LEPR: variants seen among roughly 807,000 people sequenced by gnomAD.
LEPR encodes OB receptor.
A neutral mutation model predicts 114.7 loss-of-function variants in LEPR; 56 were observed. The ratio of observed to expected loss-of-function variants is 0.49; its 90% confidence interval spans 0.39 to 0.61. LEPR has a LOEUF of 0.61. LEPR is among the 20% of genes least tolerant of loss of function. The probability of loss-of-function intolerance (pLI) is 0.00; values close to 1 mark genes in which losing one functional copy is unlikely to be tolerated. For synonymous variants in LEPR, 443 were observed against 461.4 expected, an observed-to-expected ratio of 0.96 and a Z score of 0.51; for missense variants, 1,202 against 1,352.9, an observed-to-expected ratio of 0.89 and a Z score of 1.75.
At chr1:65,518,517 C>T (rs974431349) in intron 2 of LEPR, among the ~76,000 whole-genome samples, 1 of 152,188 alleles carries the variant, frequency 6.6e-6, no homozygotes, top group African/African-American at 2.4e-5. Context: ...TTTCTGGCAG[C>T]GAATCCTTAA....
intron 18 of LEPR, among the ~76,000 whole-genome samples, chr1:65,622,654 GT>G (rs1187166861): frequency 2.6e-5 from 4 of 152,136 alleles, no homozygotes; most frequent in African/African-American, 9.7e-5. Flanking sequence ...AATCTATCCA[GT>G]GTTTAGCATG....
rs191138923 is a variant in LEPR, at chr1:65,629,041, G to T, written c.2673+6060G>T. ...GCTTATGCCACTATGAAATGTAGAC[G>T]GTATCTATTGATTTCTGGCTACAAC... On this transcript the variant is annotated intron_variant, in intron 19 of 19. Coordinates refer to ENST00000349533, the MANE Select transcript of LEPR (RefSeq NM_002303.6). 8.6e-5 allele frequency among the ~76,000 whole-genome samples: 13 copies of T among 152,018 alleles called. No homozygotes were observed. In the East Asian group the frequency reaches 2.1e-3, roughly 25 times the overall value.
intron 2 of LEPR, among the ~76,000 whole-genome samples, chr1:65,428,763 T>G (rs1191153967): frequency 1.3e-5 from 2 of 152,152 alleles, no homozygotes; most frequent in Non-Finnish European, 2.9e-5. Flanking sequence ...ATAAGAAATG[T>G]CTGATGGAGA....
intron 2 of LEPR, among the ~76,000 whole-genome samples, chr1:65,514,803 T>G (rs1008131938): frequency 1.3e-5 from 2 of 152,234 alleles, no homozygotes; most frequent in African/African-American, 2.4e-5. Flanking sequence ...AATTTGCCTT[T>G]TATACTTGAG....
At chr1:65,524,999 A>G (rs1257509427) in intron 2 of LEPR, among the ~76,000 whole-genome samples, 3 of 152,150 alleles carry the variant, frequency 2.0e-5, no homozygotes, top group Non-Finnish European at 4.4e-5. Flanking sequence ...AAATTTTGCT[A>G]CGTCAAACAT....
chr1:65,600,908 CTACT>C (rs1656400908), intron 8 of LEPR, among the ~76,000 whole-genome samples: 1 of 151,598 alleles, frequency 6.6e-6, no homozygotes, highest in Non-Finnish European at 1.5e-5. Flanking sequence ...GTATCTTTAC[CTACT>C]TACTTGAAAT....
chr1:65,619,806 T>C (rs765416053), intron 16 of LEPR, 122 bp from the exon 17 acceptor site: 7 of 817,050 alleles, frequency 8.6e-6, no homozygotes, highest in Non-Finnish European at 1.4e-5. Context: ...AATCCACAAA[T>C]AATAAGTAAT....
chr1:65,468,224 T>G (rs764191125), intron 2 of LEPR, among the ~76,000 whole-genome samples: 14 of 152,202 alleles, frequency 9.2e-5, no homozygotes, highest in African/African-American at 3.4e-4. Context: ...TAAGGAGACA[T>G]GCTGACTCAA....
At chr1:65,482,134 A>G (rs1185327044) in intron 2 of LEPR, among the ~76,000 whole-genome samples, 1 of 151,758 alleles carries the variant, frequency 6.6e-6, no homozygotes, top group East Asian at 1.9e-4. Context: ...ACACACACAC[A>G]CACACACACA....
chr1:65,465,665 T>G (rs2100393050), intron 2 of LEPR, among the ~76,000 whole-genome samples: 1 of 152,296 alleles, frequency 6.6e-6, no homozygotes, highest in Non-Finnish European at 1.5e-5. Context: ...AGTCTAAGTC[T>G]CTTTGTAGGT....
At chr1:65,515,284 A>T (rs954002627) in intron 2 of LEPR, among the ~76,000 whole-genome samples, 1 of 152,194 alleles carries the variant, frequency 6.6e-6, no homozygotes, top group Non-Finnish European at 1.5e-5. Context: ...CTGAGAACGA[A>T]TTTCAGTTCC....
chr1:65,432,051 T>C, intron 2 of LEPR: 1 of 1,378,018 alleles, frequency 7.3e-7, no homozygotes, highest in Middle Eastern at 2.7e-4. Flanking sequence ...ATGTTCACTT[T>C]AAGAAAGACT....
chr1:65,425,792 A>G (rs1383494368), intron 2 of LEPR, among the ~76,000 whole-genome samples: 4 of 152,212 alleles, frequency 2.6e-5, no homozygotes, highest in Admixed American at 6.5e-5. Flanking sequence ...GGAAGGCTGC[A>G]TGGCAGAGGT....
Position 65,432,332 on chromosome 1 carries a change from A to G in LEPR, c.-21+6954A>G, listed in dbSNP as rs1646497625. The G allele has an allele frequency of 4.1e-6, 4 of 987,358 alleles. No individual in the cohort carries two copies. The South Asian group carries it at 1.4e-4, about 34-fold the overall frequency. 61.2% of individuals were successfully genotyped at this position (987,358 alleles called of 1,614,324 possible). On this transcript the variant is annotated intron_variant, in intron 2 of 19. Coordinates refer to ENST00000349533, the MANE Select transcript of LEPR (RefSeq NM_002303.6). ...CCCTCTTTGTGTTGTAGTCCATGCT[A>G]TTAAAAGTGTGGCCCACAGACCAAG...
chr1:65,508,972 G>A (rs1047055644), intron 2 of LEPR, among the ~76,000 whole-genome samples: 2 of 151,280 alleles, frequency 1.3e-5, no homozygotes, highest in Non-Finnish European at 3.0e-5. Flanking sequence ...TGTTTTCCTC[G>A]TTTCTTTTTC....
chr1:65,565,951 T>A (rs146898049), intron 3 of LEPR, among the ~76,000 whole-genome samples: 1 of 152,224 alleles, frequency 6.6e-6, no homozygotes, highest in Non-Finnish European at 1.5e-5. Context: ...TACATGTTGT[T>A]CTGGATGTTT....
At chr1:65,503,455 A>C (rs558067995) in intron 2 of LEPR, among the ~76,000 whole-genome samples, 112 of 152,310 alleles carry the variant, frequency 7.4e-4, no homozygotes, top group African/African-American at 2.5e-3. Context: ...AGAAATGAGC[A>C]GAGATTGTAA....
rs1363947564 is a variant in LEPR at position 65,596,589 on chromosome 1, G to C, written c.845G>C (p.Arg282Thr). The change falls in exon 7 of 20, where the codon AGA (arginine) becomes ACA (threonine). Residue 282 changes from arginine (R) to threonine (T), a missense_variant. Coordinates refer to ENST00000349533, the MANE Select transcript of LEPR (RefSeq NM_002303.6). ...KYSENSTTVIREADKIVSATS... is the reference protein window; with the variant it reads ...KYSENSTTVITEADKIVSATS... ...TCAGAGAATTCTACAACAGTTATCA[G>C]AGAAGTAAGTATATTTTAGTAAGTA... 3.1e-6 allele frequency: 5 copies of C among 1,611,794 alleles called. No individual in the cohort carries two copies. In the South Asian group the frequency reaches 5.5e-5, roughly 18 times the overall value.
At chr1:65,584,965 C>T (rs552648932) in intron 5 of LEPR, among the ~76,000 whole-genome samples, 1 of 152,092 alleles carries the variant, frequency 6.6e-6, no homozygotes, top group Non-Finnish European at 1.5e-5. Flanking sequence ...TAGGTCAGCA[C>T]TACTTACTTG....
Sources: allele counts gnomAD v4.1 joint callset (sites outside exome capture counted in the v4.1 genomes callset), GRCh38; gene constraint gnomAD v4.1.1; transcripts MANE v1.5; gene names NCBI Gene and HGNC (gene_info 2026-07-23, HGNC 2026-07-21).